GRID1: variants seen among roughly 807,000 people sequenced by gnomAD.
GRID1 encodes glutamate receptor ionotropic, delta-1.
GRID1 carries 28 observed loss-of-function variants against 98.0 expected under a neutral mutation model. The ratio of observed to expected loss-of-function variants is 0.29; its 90% CI spans 0.21 to 0.39. The LOEUF is 0.39. Ranked by LOEUF, GRID1 falls within the 10% of genes least tolerant of loss-of-function variation. The pLI, the probability that GRID1 is intolerant of heterozygous loss-of-function variation, is 1.00. For missense variants in GRID1, 1,111 were observed against 1,340.5 expected, an observed-to-expected ratio of 0.83 and a Z score of 2.67; for synonymous variants, 553 against 538.5, an observed-to-expected ratio of 1.03 and a Z score of -0.37.
intron 6 of GRID1, among the ~76,000 whole-genome samples, chr10:85,864,037 A>G (rs1843191620): frequency 6.6e-6 from 1 of 152,186 alleles, no homozygotes; most frequent in South Asian, 2.1e-4. Context: ...CTTCTGAAGA[A>G]CCCAGCTTTC....
At chr10:85,786,728 C>T (rs527451984) in intron 8 of GRID1, among the ~76,000 whole-genome samples, 3 of 152,182 alleles carry the variant, frequency 2.0e-5, no homozygotes, top group Admixed American at 2.0e-4. Flanking sequence ...GGGAAAGGGC[C>T]GATTAGATTA....
At chr10:85,679,732 GAGA>G (rs1256734464) in intron 12 of GRID1, among the ~76,000 whole-genome samples, 1 of 152,190 alleles carries the variant, frequency 6.6e-6, no homozygotes, top group Non-Finnish European at 1.5e-5. Context: ...CCTGCTAGCT[GAGA>G]AGAAGCAACA....
intron 4 of GRID1, among the ~76,000 whole-genome samples, chr10:85,954,523 ACTTT>A (rs1842165175): frequency 6.6e-6 from 1 of 152,200 alleles, no homozygotes; most frequent in Non-Finnish European, 1.5e-5. Flanking sequence ...AAGCCTTTAT[ACTTT>A]CTTTATTATA....
chr10:85,619,782 G>T, intron 14 of GRID1, 85 bp downstream of exon 14: 3 of 1,003,968 alleles, frequency 3.0e-6, no homozygotes, highest in Non-Finnish European at 4.5e-6. Flanking sequence ...GTTTGCATTG[G>T]CTCTTATCTT....
chr10:85,630,980 G>A (rs969717910), intron 13 of GRID1, among the ~76,000 whole-genome samples: 2 of 152,212 alleles, frequency 1.3e-5, no homozygotes, highest in African/African-American at 4.8e-5. Context: ...AAACCATAGA[G>A]TTGAGAGACC....
At position 86,229,012 on chromosome 10, in the gene GRID1, C is replaced by G. The variant is rs1207445046; in HGVS notation, c.236-22364G>C. On this transcript the variant is annotated intron_variant, in intron 2 of 15. Coordinates refer to ENST00000327946, the MANE Select transcript of GRID1 (RefSeq NM_017551.3). The stretch of plus-strand genomic sequence containing the variant: ...TGGGTGTGGAGGCAGTGGGTACTCA[C>G]AGTAGGGAGGGGCTGCCTTGGTCCA... Among the ~76,000 whole-genome samples, 3 of 152,196 alleles carry G rather than the reference C, an allele frequency of 2.0e-5. No homozygotes were observed. The South Asian group carries it at 6.2e-4, about 31-fold the overall frequency.
chr10:85,901,397 C>T (rs1027177213), intron 5 of GRID1, among the ~76,000 whole-genome samples: 1 of 152,118 alleles, frequency 6.6e-6, no homozygotes, highest in Non-Finnish European at 1.5e-5. Flanking sequence ...CAGGTGCCCG[C>T]CACCATGCCC....
intron 8 of GRID1, among the ~76,000 whole-genome samples, chr10:85,805,010 A>C (rs1842609877): frequency 1.3e-5 from 2 of 151,686 alleles, no homozygotes; most frequent in Non-Finnish European, 3.0e-5. Flanking sequence ...GAGAGAAGGG[A>C]GAAAAGGAAG....
chr10:85,974,325 CAG>C lies in GRID1; in HGVS notation c.727-58088_727-58087del, dbSNP rs960416765. ...TTGTTTTGTTTTGTTTTTTGTAAAA[CAG>C]AGATTATCACCTGCCTCTCTCAGGG... On this transcript the variant is annotated intron_variant, in intron 4 of 15. Transcript: ENST00000327946. Among the ~76,000 whole-genome samples, 12 of 151,888 alleles carry C rather than the reference CAG, an allele frequency of 7.9e-5. 1 individual carries two copies. The highest frequency in any genetic ancestry group is 2.9e-5 in the Non-Finnish European group (2 of 67,914).
chr10:86,137,287 T>G (rs1464284366), intron 4 of GRID1, among the ~76,000 whole-genome samples: 1 of 152,192 alleles, frequency 6.6e-6, no homozygotes, highest in African/African-American at 2.4e-5. Flanking sequence ...CTTCATCCCT[T>G]TTAACAGATG....
At chr10:85,988,511 C>T (rs1842639540) in intron 4 of GRID1, among the ~76,000 whole-genome samples, 1 of 152,200 alleles carries the variant, frequency 6.6e-6, no homozygotes, top group South Asian at 2.1e-4. Context: ...GTCTGCTCCC[C>T]AACCTGGGCC....
intron 8 of GRID1, among the ~76,000 whole-genome samples, chr10:85,771,768 C>T (rs1842271079): frequency 6.6e-6 from 1 of 152,124 alleles, no homozygotes; most frequent in Admixed American, 6.6e-5. Context: ...ACAAGAAGAG[C>T]TAACTATCCT....
chr10:85,691,505 G>GCAA (rs1841332024), intron 12 of GRID1, among the ~76,000 whole-genome samples: 1 of 152,084 alleles, frequency 6.6e-6, no homozygotes, highest in Non-Finnish European at 1.5e-5. Flanking sequence ...GATAATTTGT[G>GCAA]ATTAGACCAC....
In GRID1 at chr10:86,138,827, T is replaced by C. The variant is rs1200006159; in HGVS notation, c.718A>G (p.Ile240Val). Residue 240 changes from isoleucine to valine, a missense_variant, in exon 4 of 16, where the codon ATC becomes GTC. Around this residue, in one of 3 missense-constraint regions of GRID1, gnomAD observed 346 missense variants for 452.3 expected, o/e 0.76. Transcript: ENST00000327946. ...AGGCCCCCATGACCTACCTCGTTGA[T>C]GAAGGAGTGGGCTCCCTGTGGGCTG... ...LLSPQGAHSF[I>V]NEAVETNLAS... 3.7e-6 allele frequency: 6 copies of C among 1,613,582 alleles called. No homozygotes were observed. Among genetic ancestry groups the C allele is most frequent in the Non-Finnish European group, 5.1e-6 (6 of 1,179,564 alleles).
Position 85,613,398 on chromosome 10 carries a change from G to C in GRID1, c.2601+9C>G. 1 of 1,608,344 alleles carries C rather than the reference G, an allele frequency of 6.2e-7. No homozygotes were observed. Among genetic ancestry groups the C allele is most frequent in the Non-Finnish European group, 8.5e-7 (1 of 1,177,018 alleles). On this transcript the variant is annotated intron_variant, in intron 15 of 15. Transcript: ENST00000327946. ...CTGTGAAAGGGAGGGCAGGCCCCAGGGTGCTGACCTCCTTGGGGGTCTCCT... is the reference window on the plus strand; with the variant it reads ...CTGTGAAAGGGAGGGCAGGCCCCAGCGTGCTGACCTCCTTGGGGGTCTCCT...
At chr10:85,799,924 G>A (rs1842560300) in intron 8 of GRID1, among the ~76,000 whole-genome samples, 1 of 151,952 alleles carries the variant, frequency 6.6e-6, no homozygotes, top group Admixed American at 6.6e-5. Flanking sequence ...TGCTAATTAT[G>A]CTGATTTGAT....
intron 12 of GRID1, among the ~76,000 whole-genome samples, chr10:85,697,690 G>A (rs1841408999): frequency 6.6e-6 from 1 of 152,068 alleles, no homozygotes; most frequent in African/African-American, 2.4e-5. Flanking sequence ...AGTTTATGGT[G>A]GCCTGAAGGC....
chr10:86,320,012 T>C (rs1393106587), intron 2 of GRID1, among the ~76,000 whole-genome samples: 2 of 152,214 alleles, frequency 1.3e-5, no homozygotes, highest in African/African-American at 4.8e-5. Context: ...CAGAGCATCC[T>C]GGGGCCTCCC....
chr10:86,062,694 T>C (rs1009480411), intron 4 of GRID1, among the ~76,000 whole-genome samples: 2 of 152,180 alleles, frequency 1.3e-5, no homozygotes, highest in African/African-American at 4.8e-5. Flanking sequence ...GCTTCACTCA[T>C]ATCCCACCAG....
Sources: allele counts gnomAD v4.1 joint callset (sites outside exome capture counted in the v4.1 genomes callset), GRCh38; gene constraint gnomAD v4.1.1; regional missense constraint gnomAD v4.1.1; transcripts MANE v1.5; gene names NCBI Gene and HGNC (gene_info 2026-07-23, HGNC 2026-07-21).